The following PDE1A variants were observed in gnomAD, a reference collection of about 807,000 sequenced individuals.
PDE1A encodes the protein phosphodiesterase 1A.
PDE1A carries 35 observed loss-of-function variants against 61.7 expected under a neutral mutation model. The observed-to-expected ratio is 0.57, with a 90% CI of 0.43 to 0.75. PDE1A has a LOEUF of 0.75. PDE1A is among the 30% of genes least tolerant of loss of function. The probability of loss-of-function intolerance (pLI) is 0.00; values close to 1 mark genes in which losing one functional copy is unlikely to be tolerated. For missense variants in PDE1A, 597 were observed against 630.6 expected, an observed-to-expected ratio of 0.95 and a Z score of 0.57; for synonymous variants, 232 against 213.2, an observed-to-expected ratio of 1.09 and a Z score of -0.77.
chr2:182,483,932 C>A (rs911570047), intron 2 of PDE1A, among the ~76,000 whole-genome samples: 6 of 151,892 alleles, frequency 4.0e-5, no homozygotes, highest in African/African-American at 1.2e-4. Context: ...GTAGACATCA[C>A]TATGAATTCT....
At chr2:182,548,069 A>T in the PDE1A span, among the ~76,000 whole-genome samples, 7 of 152,198 alleles carry the variant, frequency 4.6e-5, no homozygotes, top group African/African-American at 7.2e-5. Context: ...TTTAAAATAA[A>T]CATCTCCTTT....
chr2:182,525,235 CTTGA>C (rs1690760690), upstream of PDE1A, among the ~76,000 whole-genome samples: 1 of 151,936 alleles, frequency 6.6e-6, no homozygotes, highest in Admixed American at 6.6e-5. Context: ...GATAATATTA[CTTGA>C]TTTTTTTCCT....
At chr2:182,252,698 G>A (rs1444757496) in intron 2 of PDE1A, among the ~76,000 whole-genome samples, 1 of 152,194 alleles carries the variant, frequency 6.6e-6, no homozygotes, top group African/African-American at 2.4e-5. Context: ...GGATCCTGCA[G>A]CAGAAGCCAG....
At chr2:182,375,611 A>G (rs1302649203) in intron 1 of PDE1A, among the ~76,000 whole-genome samples, 1 of 152,166 alleles carries the variant, frequency 6.6e-6, no homozygotes, top group Non-Finnish European at 1.5e-5. Flanking sequence ...TCCAGGCACA[A>G]AGTGCAAGCT....
At chr2:182,337,212 A>G (rs1051161346) in intron 1 of PDE1A, among the ~76,000 whole-genome samples, 4 of 152,074 alleles carry the variant, frequency 2.6e-5, no homozygotes, top group Admixed American at 6.6e-5. Flanking sequence ...AAGGATTTGA[A>G]CAGAAAAAGA....
intron 13 of PDE1A, among the ~76,000 whole-genome samples, chr2:182,175,843 TC>T (rs1178793479): frequency 7.5e-6 from 1 of 133,366 alleles, no homozygotes; most frequent in Non-Finnish European, 1.6e-5. Context: ...CTTTAATCCA[TC>T]TTGAATTGAT....
rs745353179 is a variant in PDE1A, at chr2:182,201,760, A to G, written c.932T>C (p.Val311Ala). Residue 311 changes from valine (V) to alanine (A), a missense_variant, in exon 9 of 14, where the codon GTT becomes GCT. Physicochemically the swap from Val to Ala is moderately conservative, Grantham distance 64. Transcript: ENST00000351439. Reference sequence around the variant, plus strand: ...GTGACCTGACATGTCTGTAGATAAAACCATTTCAATCACTAGGTTCCGAAG... The same window carrying G: ...GTGACCTGACATGTCTGTAGATAAAGCCATTTCAATCACTAGGTTCCGAAG... 13 of 1,610,302 alleles carry G rather than the reference A, an allele frequency of 8.1e-6. No homozygotes were observed. The South Asian group carries it at 1.4e-4, about 18-fold the overall frequency.
intron 2 of PDE1A, among the ~76,000 whole-genome samples, chr2:182,504,064 T>A (rs531678236): frequency 5.3e-5 from 8 of 152,344 alleles, no homozygotes; most frequent in Admixed American, 2.0e-4. Flanking sequence ...TGAATGACAC[T>A]CATTCTTAAG....
intron 1 of PDE1A, among the ~76,000 whole-genome samples, chr2:182,281,681 T>C (rs2125853040): frequency 6.6e-6 from 1 of 152,092 alleles, no homozygotes; most frequent in African/African-American, 2.4e-5. Flanking sequence ...AATATCAGTG[T>C]GTCCAAAGAA....
chr2:182,197,486 T>G (rs1686231717), intron 10 of PDE1A, among the ~76,000 whole-genome samples: 1 of 151,606 alleles, frequency 6.6e-6, no homozygotes, highest in African/African-American at 2.4e-5. Context: ...CCCCCGAGAT[T>G]AGAGAGATCT....
At chr2:182,271,011 C>T (rs1692978370) in intron 1 of PDE1A, among the ~76,000 whole-genome samples, 1 of 151,748 alleles carries the variant, frequency 6.6e-6, no homozygotes, top group Non-Finnish European at 1.5e-5. Flanking sequence ...TGTAAAGCTC[C>T]ATGATACCTT....
chr2:182,640,359 T>C, the PDE1A span, among the ~76,000 whole-genome samples: 1,251 of 152,290 alleles, frequency 8.2e-3, 18 homozygotes, highest in South Asian at 0.016. Context: ...ACAATCAGAA[T>C]GTAAATATTA....
At chr2:182,179,406 C>T (rs1684552877) in intron 13 of PDE1A, among the ~76,000 whole-genome samples, 1 of 151,822 alleles carries the variant, frequency 6.6e-6, no homozygotes, top group Non-Finnish European at 1.5e-5. Context: ...TGGCACAGTT[C>T]CATTTATATT....
intron 2 of PDE1A, among the ~76,000 whole-genome samples, chr2:182,453,369 CA>C (rs1685656446): frequency 1.3e-5 from 2 of 151,710 alleles, no homozygotes; most frequent in Non-Finnish European, 2.9e-5. Context: ...ACTCCATAGC[CA>C]AATTGGACAC....
intron 1 of PDE1A, among the ~76,000 whole-genome samples, chr2:182,404,505 C>T (rs1702193726): frequency 6.6e-6 from 1 of 152,170 alleles, no homozygotes; most frequent in South Asian, 2.1e-4. Context: ...TTTCATTTTA[C>T]AAACTTTTAA....
the PDE1A span, among the ~76,000 whole-genome samples, chr2:182,557,466 C>T: frequency 6.6e-6 from 1 of 152,060 alleles, no homozygotes; most frequent in African/African-American, 2.4e-5. Flanking sequence ...AATCTTAGCA[C>T]TTTGGGAGGC....
intron 2 of PDE1A, among the ~76,000 whole-genome samples, chr2:182,262,753 T>A (rs1692312914): frequency 7.2e-6 from 1 of 139,576 alleles, no homozygotes; most frequent in South Asian, 2.2e-4. Flanking sequence ...AACTTTTAAG[T>A]TTCCTTTTTC....
At chr2:182,403,886 C>T (rs2125468428) in intron 1 of PDE1A, among the ~76,000 whole-genome samples, 1 of 152,112 alleles carries the variant, frequency 6.6e-6, no homozygotes, top group Admixed American at 6.5e-5. Context: ...TAATGTAGAT[C>T]ATGGGTTGAT....
exon 13 of PDE1A, chr2:182,185,978 G>A: frequency 6.2e-7 from 1 of 1,614,048 alleles, no homozygotes; most frequent in Non-Finnish European, 8.5e-7. Context: ...GTCCACTGCT[G>A]CAAGGGAGTA....
Sources: allele counts gnomAD v4.1 joint callset (sites outside exome capture counted in the v4.1 genomes callset), GRCh38; gene constraint gnomAD v4.1.1; transcripts MANE v1.5; gene names NCBI Gene and HGNC (gene_info 2026-07-23, HGNC 2026-07-21).